EYA1: variants seen among roughly 807,000 people sequenced by gnomAD.
The protein encoded by EYA1 is EYA transcriptional coactivator and phosphatase 1.
Under a neutral mutation model 82.0 loss-of-function variants are expected in EYA1, and 16 were observed. The ratio of observed to expected loss-of-function variants is 0.20; its 90% confidence interval spans 0.13 to 0.30. The LOEUF (loss-of-function observed/expected upper bound fraction) is 0.30, where lower values mean the gene tolerates loss of function less well. EYA1 is among the 10% of genes least tolerant of loss of function. The pLI, the probability that EYA1 is intolerant of heterozygous loss-of-function variation, is 1.00. For synonymous variants in EYA1, 261 were observed against 264.4 expected, an observed-to-expected ratio of 0.99 and a Z score of 0.12; for missense variants, 633 against 730.7, an observed-to-expected ratio of 0.87 and a Z score of 1.54.
At chr8:71,407,208 C>T (rs1413193283) in intron 2 of EYA1, among the ~76,000 whole-genome samples, 61 of 146,962 alleles carry the variant, frequency 4.2e-4, no homozygotes, top group Non-Finnish European at 6.6e-4. Flanking sequence ...GACATCCACA[C>T]GGAAAACCCA....
chr8:71,519,549 G>A (rs1252756404), intron 2 of EYA1, among the ~76,000 whole-genome samples: 1 of 151,836 alleles, frequency 6.6e-6, no homozygotes, highest in Non-Finnish European at 1.5e-5. Flanking sequence ...CTTAGTAAAT[G>A]AGCCTCTGCT....
At position 71,376,587 on chromosome 8, in the gene EYA1, G is replaced by A. The variant is rs531641197; in HGVS notation, c.34-20076C>T. Among the ~76,000 whole-genome samples, 6 of 152,126 alleles carry A rather than the reference G, an allele frequency of 3.9e-5. No individual in the cohort carries two copies. The South Asian group carries it at 1.2e-3, about 32-fold the overall frequency. On this transcript the variant is annotated intron_variant, in intron 2 of 18. Transcript: ENST00000643681. ...GTGTAATCTGACCAGGGTTTTCTCT[G>A]GGCAACTGATGATATGTGGTCAGAT...
chr8:71,270,603 C>G (rs1380910035), intron 10 of EYA1, among the ~76,000 whole-genome samples: 2 of 152,048 alleles, frequency 1.3e-5, no homozygotes, highest in Admixed American at 1.3e-4. Flanking sequence ...TTTTTTCAGC[C>G]AAAATAATCA....
intron 4 of EYA1, among the ~76,000 whole-genome samples, chr8:71,323,144 T>C (rs1239829070): frequency 6.6e-6 from 1 of 152,196 alleles, no homozygotes; most frequent in Non-Finnish European, 1.5e-5. Flanking sequence ...TCTACATATA[T>C]ATAAATCTAC....
chr8:71,282,938 G>GTT (rs11330984), intron 9 of EYA1, among the ~76,000 whole-genome samples: 31,314 of 131,124 alleles, frequency 0.24, 3,935 homozygotes, highest in Admixed American at 0.28. Context: ...ACACCACCTT[G>GTT]TTTTTTTTTT....
intron 16 of EYA1, among the ~76,000 whole-genome samples, chr8:71,211,587 T>C (rs540991408): frequency 6.6e-6 from 1 of 152,350 alleles, no homozygotes; most frequent in South Asian, 2.1e-4. Context: ...GCAGTGGGAC[T>C]TCTTTTTCCC....
At chr8:71,322,390 T>C in intron 4 of EYA1, 122 bp from the exon 5 acceptor site, 1 of 817,008 alleles carries the variant, frequency 1.2e-6, no homozygotes, top group Admixed American at 2.0e-5. Flanking sequence ...TATTTGGTCT[T>C]TGTGACCTGC....
In EYA1 at chr8:71,489,745, T is replaced by C. The variant is rs371790362; in HGVS notation, c.33+45999A>G. ...CTCTAGGCCTGCAAAAACTTGCACATGATTTGGAAATTGGGTTATTTTAAT... is the reference window on the plus strand; with the variant it reads ...CTCTAGGCCTGCAAAAACTTGCACACGATTTGGAAATTGGGTTATTTTAAT... On this transcript the variant is annotated intron_variant, in intron 2 of 18. Coordinates refer to the EYA1 transcript ENST00000643681. Among the ~76,000 whole-genome samples the C allele has an allele frequency of 5.9e-5, 9 of 152,376 alleles. No individual in the cohort carries two copies. The South Asian group carries it at 1.9e-3, about 32-fold the overall frequency.
At chr8:71,280,556 C>T (rs1817699136) in intron 9 of EYA1, among the ~76,000 whole-genome samples, 1 of 152,154 alleles carries the variant, frequency 6.6e-6, no homozygotes, top group Non-Finnish European at 1.5e-5. Flanking sequence ...AGAGTGAATA[C>T]CAAAATTCCT....
intron 2 of EYA1, among the ~76,000 whole-genome samples, chr8:71,462,706 A>C (rs1808457940): frequency 6.6e-6 from 1 of 152,150 alleles, no homozygotes; most frequent in African/African-American, 2.4e-5. Flanking sequence ...GTGGTGGGTG[A>C]GAGTGGCAAC....
At chr8:71,470,971 C>T (rs1396643141) in intron 2 of EYA1, 1 of 429,354 alleles carries the variant, frequency 2.3e-6, no homozygotes, top group East Asian at 7.1e-5. Flanking sequence ...AAACCTTACC[C>T]AGCAGACATT....
intron 2 of EYA1, among the ~76,000 whole-genome samples, chr8:71,475,047 G>A (rs1363629584): frequency 1.3e-5 from 2 of 152,260 alleles, no homozygotes; most frequent in South Asian, 2.1e-4. Flanking sequence ...CAGGAGAATC[G>A]CTTGAATCTG....
intron 3 of EYA1, among the ~76,000 whole-genome samples, chr8:71,335,897 G>T (rs1271660778): frequency 6.6e-6 from 1 of 152,044 alleles, no homozygotes; most frequent in Non-Finnish European, 1.5e-5. Context: ...CTAAGATTCT[G>T]AACTCAGAAT....
chr8:71,462,702 G>C (rs1450727586), intron 2 of EYA1, among the ~76,000 whole-genome samples: 2 of 152,214 alleles, frequency 1.3e-5, no homozygotes, highest in African/African-American at 4.8e-5. Context: ...AGCAGTGGTG[G>C]GTGAGAGTGG....
At chr8:71,218,453 A>G (rs1276524358) in intron 12 of EYA1, among the ~76,000 whole-genome samples, 2 of 151,904 alleles carry the variant, frequency 1.3e-5, no homozygotes, top group East Asian at 1.9e-4. Flanking sequence ...GTGACCCCCA[A>G]CCTCTTCTCT....
At chr8:71,222,259 C>T (rs1411410641) in intron 12 of EYA1, among the ~76,000 whole-genome samples, 2 of 152,210 alleles carry the variant, frequency 1.3e-5, no homozygotes, top group Non-Finnish European at 2.9e-5. Context: ...TATTTGGTGC[C>T]GTGTGACTCA....
chr8:71,278,895 G>A (rs1190258900), intron 9 of EYA1, among the ~76,000 whole-genome samples: 3 of 152,152 alleles, frequency 2.0e-5, no homozygotes, highest in Non-Finnish European at 2.9e-5. Context: ...TCCTTTCTCC[G>A]TGCTTTGGGA....
chr8:71,223,096 G>T (rs1030334269), intron 12 of EYA1, among the ~76,000 whole-genome samples: 1 of 152,206 alleles, frequency 6.6e-6, no homozygotes, highest in Admixed American at 6.5e-5. Context: ...TAGTAACCGG[G>T]TCTCTGCCAG....
At chr8:71,401,260 T>C (rs1325077318) in intron 2 of EYA1, among the ~76,000 whole-genome samples, 3 of 152,226 alleles carry the variant, frequency 2.0e-5, no homozygotes, top group African/African-American at 7.2e-5. Context: ...CAAACCTGCA[T>C]GTCCTGCACA....
Sources: gnomAD v4.1 joint callset for allele counts (sites outside exome capture counted in the v4.1 genomes callset) on GRCh38, gnomAD v4.1.1 for gene constraint, MANE v1.5 for transcripts, NCBI Gene and HGNC (gene_info 2026-07-23, HGNC 2026-07-21) for gene names.